ZC2HC1B: variants seen among roughly 807,000 people sequenced by gnomAD.
The protein encoded by ZC2HC1B is zinc finger C2HC-type containing 1B.
ZC2HC1B carries 36 observed loss-of-function variants against 31.0 expected under a neutral mutation model. That is an observed-to-expected ratio of 1.16 (90% confidence interval 0.89 to 1.54). The LOEUF is 1.54. Ranked by LOEUF, ZC2HC1B falls within the 40% of genes most tolerant of loss-of-function variation. The pLI is 0.00. For missense variants in ZC2HC1B, 260 were observed against 268.6 expected (o/e 0.97, Z 0.22); for synonymous variants, 73 against 88.0 (o/e 0.83, Z 0.95).
chr6:143,899,123 AG>A lies in ZC2HC1B; in HGVS notation c.489+433del, dbSNP rs1777705481. 6.6e-6 allele frequency among the ~76,000 whole-genome samples: 1 copy of A among 152,228 alleles called. No homozygotes were observed. Among genetic ancestry groups the A allele is most frequent in the Non-Finnish European group, 1.5e-5 (1 of 68,040 alleles). On this transcript the variant is annotated intron_variant, in intron 5 of 7. Coordinates refer to ENST00000237275, the MANE Select transcript of ZC2HC1B (RefSeq NM_001013623.3). The surrounding 1 kb of genome is among the most constrained non-coding windows in gnomAD (Gnocchi z 5.0). ...GGAGGGGTCTTCACCTTTTATTTAA[AG>A]TCACAGAATCAGCAAGTTAAAGGGA...
chr6:143,881,636 G>A (rs1239114648), intron 1 of ZC2HC1B: 2 of 146,370 alleles, frequency 1.4e-5, no homozygotes, highest in Non-Finnish European at 3.0e-5. Flanking sequence ...ACCACAGTTT[G>A]TTTAACCGTT....
chr6:143,867,872 A>G (rs1271394115), intron 1 of ZC2HC1B, among the ~76,000 whole-genome samples: 1 of 152,178 alleles, frequency 6.6e-6, no homozygotes, highest in East Asian at 1.9e-4. Context: ...TATCCAGTCT[A>G]TAATTGCCTT....
intron 6 of ZC2HC1B, among the ~76,000 whole-genome samples, chr6:143,937,133 CT>C (rs1778188037): frequency 6.6e-6 from 1 of 152,082 alleles, no homozygotes; most frequent in Admixed American, 6.5e-5. Flanking sequence ...TATCCATAAA[CT>C]TGTGTATCTC....
chr6:143,916,759 A>G (rs1057375248), intron 6 of ZC2HC1B, among the ~76,000 whole-genome samples: 4 of 152,144 alleles, frequency 2.6e-5, no homozygotes, highest in South Asian at 2.1e-4. Context: ...TGTTTGGCCA[A>G]TGTCTCCCAT....
intron 6 of ZC2HC1B, among the ~76,000 whole-genome samples, chr6:143,904,745 G>C (rs568832970): frequency 6.6e-6 from 1 of 152,058 alleles, no homozygotes; most frequent in African/African-American, 2.4e-5. Context: ...TAGATCTTAC[G>C]TTTTAGTTCT....
At chr6:143,873,579 C>T (rs139704988) in intron 1 of ZC2HC1B, among the ~76,000 whole-genome samples, 4,123 of 152,356 alleles carry the variant, frequency 0.027, 104 homozygotes, top group Admixed American at 0.072. Flanking sequence ...CGTTTCCATA[C>T]ATCTTCTGAA....
chr6:143,896,539 C>A (rs1188130879), intron 4 of ZC2HC1B, among the ~76,000 whole-genome samples: 1 of 152,186 alleles, frequency 6.6e-6, no homozygotes, highest in African/African-American at 2.4e-5. Flanking sequence ...AGTTTCACTT[C>A]TATTTGGTAG....
rs2128493195 is a variant in ZC2HC1B, at chr6:143,872,736, T to G, written c.28+8169T>G. On this transcript the variant is annotated intron_variant, in intron 1 of 7. Coordinates refer to ENST00000237275, the MANE Select transcript of ZC2HC1B (RefSeq NM_001013623.3). This position sits in a 1 kb window ranked among gnomAD's most constrained non-coding sequence, Gnocchi z 5.5. ...AGGAAAAAGCAAAAGTGGAAATCCC[T>G]CATAAATCCATCAGATCTCATGAGA... Among the ~76,000 whole-genome samples the G allele has an allele frequency of 6.6e-6, 1 of 152,198 alleles. No homozygotes were observed. Among genetic ancestry groups the G allele is most frequent in the East Asian group, 1.9e-4 (1 of 5,184 alleles).
In ZC2HC1B at chr6:143,877,530, G is replaced by A. The variant is rs911733952; in HGVS notation, c.29-6774G>A. Among the ~76,000 whole-genome samples, 16 of 149,998 alleles carry A rather than the reference G, an allele frequency of 1.1e-4. 1 individual carries two copies. Among genetic ancestry groups the A allele is most frequent in the African/African-American group, 3.2e-4 (13 of 40,708 alleles). ...ACTACCAACCTCGGGTGATCCGCCC[G>A]CCTCTGCCTCCCAAAGTGCTGGGAT... On this transcript the variant is annotated intron_variant, in intron 1 of 7. Transcript: ENST00000237275.
intron 6 of ZC2HC1B, among the ~76,000 whole-genome samples, chr6:143,910,243 G>T (rs1582968305): frequency 6.6e-6 from 1 of 152,174 alleles, no homozygotes; most frequent in East Asian, 1.9e-4. Flanking sequence ...TCTTAATCTT[G>T]AGTTGTTCAG....
rs1022894442 is a variant in ZC2HC1B, at chr6:143,922,468, G to A, written c.599-15181G>A. On this transcript the variant is annotated intron_variant, in intron 6 of 7. Coordinates refer to ENST00000237275, the MANE Select transcript of ZC2HC1B (RefSeq NM_001013623.3). This position sits in a 1 kb window ranked among gnomAD's most constrained non-coding sequence, Gnocchi z 5.0. Reference sequence around the variant, plus strand: ...TACCTACTAACCAACCTCTCCACCAGCACCCTGCCACACACATACCCTTCC... The same window carrying A: ...TACCTACTAACCAACCTCTCCACCAACACCCTGCCACACACATACCCTTCC... Among the ~76,000 whole-genome samples, 1 of 152,038 alleles carries A rather than the reference G, an allele frequency of 6.6e-6. No individual in the cohort carries two copies. Among genetic ancestry groups the A allele is most frequent in the Non-Finnish European group, 1.5e-5 (1 of 67,984 alleles).
At chr6:143,866,004 CAG>C (rs1777256059) in intron 1 of ZC2HC1B, among the ~76,000 whole-genome samples, 1 of 152,170 alleles carries the variant, frequency 6.6e-6, no homozygotes, top group South Asian at 2.1e-4. Flanking sequence ...TTAGTAGAGA[CAG>C]GGTTTCGCCA....
At chr6:143,900,799 G>C (rs955946539) in intron 5 of ZC2HC1B, among the ~76,000 whole-genome samples, 13 of 152,280 alleles carry the variant, frequency 8.5e-5, no homozygotes, top group African/African-American at 2.4e-4. Flanking sequence ...ACATATGGGT[G>C]GTGAGAGGCA....
chr6:143,905,511 A>AT lies in ZC2HC1B; in HGVS notation c.598+2363dup, dbSNP rs1466599668. The stretch of plus-strand genomic sequence containing the variant: ...ATCATAGCATCTGTGAACAGAGATA[A>AT]TTTTACTTCCTCCTTTCCAATTTGG... On this transcript the variant is annotated intron_variant, in intron 6 of 7. Transcript: ENST00000237275. This position sits in a 1 kb window ranked among gnomAD's most constrained non-coding sequence, Gnocchi z 4.2. Among the ~76,000 whole-genome samples the AT allele has an allele frequency of 2.0e-5, 3 of 152,162 alleles. No individual in the cohort carries two copies. The highest frequency in any genetic ancestry group is 4.4e-5 in the Non-Finnish European group (3 of 68,030).
intron 5 of ZC2HC1B, among the ~76,000 whole-genome samples, chr6:143,901,133 G>A (rs944385088): frequency 2.7e-5 from 4 of 150,476 alleles, no homozygotes; most frequent in Admixed American, 1.3e-4. Flanking sequence ...GCCACCACAC[G>A]CGGCCTAGAT....
intron 6 of ZC2HC1B, among the ~76,000 whole-genome samples, chr6:143,925,165 CTTTTTTTTTTT>C (rs71024879): frequency 1.9e-5 from 2 of 104,188 alleles, no homozygotes; most frequent in African/African-American, 4.0e-5. Context: ...AATCTCATTC[CTTTTTTTTTTT>C]TTTTTTTTTT....
chr6:143,897,076 A>G (rs1777674270), intron 4 of ZC2HC1B, among the ~76,000 whole-genome samples: 1 of 152,118 alleles, frequency 6.6e-6, no homozygotes, highest in Non-Finnish European at 1.5e-5. Context: ...CAATTGTTAC[A>G]TCTTATGAAT....
intron 6 of ZC2HC1B, among the ~76,000 whole-genome samples, chr6:143,926,424 A>G (rs1033918491): frequency 2.7e-5 from 4 of 148,988 alleles, no homozygotes; most frequent in Non-Finnish European, 4.5e-5. Flanking sequence ...TATAGTTTCC[A>G]AAGTTCCTGT....
At chr6:143,882,329 A>ATTT (rs1273840889) in intron 1 of ZC2HC1B, among the ~76,000 whole-genome samples, 29 of 98,334 alleles carry the variant, frequency 2.9e-4, no homozygotes, top group East Asian at 2.6e-3. Flanking sequence ...CATATTTTAT[A>ATTT]TTTTTTATAT....
Sources: gnomAD v4.1 joint callset for allele counts (sites outside exome capture counted in the v4.1 genomes callset) on GRCh38, gnomAD v4.1.1 for gene constraint, Gnocchi (gnomAD v3.1) non-coding constraint, MANE v1.5 for transcripts, NCBI Gene and HGNC (gene_info 2026-07-23, HGNC 2026-07-21) for gene names.